SEMA3E: variants seen among roughly 807,000 people sequenced by gnomAD.
The protein encoded by SEMA3E is semaphorin 3E, also known as semaphorin-3E.
A neutral mutation model predicts 93.6 loss-of-function variants in SEMA3E; 49 were observed. That is an observed-to-expected ratio of 0.52 (90% CI 0.42 to 0.66). The LOEUF (loss-of-function observed/expected upper bound fraction) is 0.66. SEMA3E is among the 30% of genes least tolerant of loss of function. The probability of loss-of-function intolerance (pLI) is 0.00; values close to 1 mark genes in which losing one functional copy is unlikely to be tolerated. For missense variants in SEMA3E, 906 were observed against 964.8 expected (o/e 0.94, Z 0.81); for synonymous variants, 363 against 330.7 (o/e 1.10, Z -1.06).
chr7:83,599,245 C>A (rs1792935748), intron 1 of SEMA3E, among the ~76,000 whole-genome samples: 1 of 152,132 alleles, frequency 6.6e-6, no homozygotes, highest in Non-Finnish European at 1.5e-5. Flanking sequence ...AATAGTAAAT[C>A]TAGAGGAAAC....
intron 4 of SEMA3E, among the ~76,000 whole-genome samples, chr7:83,465,819 C>T (rs1789743958): frequency 6.6e-6 from 1 of 152,062 alleles, no homozygotes. Context: ...ACGAGAGTTG[C>T]GATTCACCCA....
intron 16 of SEMA3E, chr7:83,373,069 A>T (rs963330568): frequency 6.6e-6 from 1 of 152,170 alleles, no homozygotes; most frequent in African/African-American, 2.4e-5. Context: ...CAATCTATAT[A>T]AATACAAAAT....
intron 4 of SEMA3E, among the ~76,000 whole-genome samples, chr7:83,444,999 T>C (rs181297312): frequency 6.6e-6 from 1 of 151,686 alleles, no homozygotes; most frequent in Admixed American, 6.6e-5. Flanking sequence ...GGGGAAAACA[T>C]GGTCCTAAAA....
rs1313681045 is a variant in SEMA3E at position 83,405,961 on chromosome 7, T to C, written c.912A>G (p.Thr304=). Residue 304 remains threonine (T), a synonymous_variant, in exon 8 of 17, where the codon ACA becomes ACG. Transcript: ENST00000643230. The part of the protein sequence containing the change: ...CSVPGMNGID[T]YFDELEDVFL... ...AACATTTACCTAATTCATCAAAATATGTGTCAATTCCATTCATTCCTGGTA... is the reference window on the plus strand; with the variant it reads ...AACATTTACCTAATTCATCAAAATACGTGTCAATTCCATTCATTCCTGGTA... The C allele has an allele frequency of 6.2e-7, 1 of 1,611,768 alleles. No homozygotes were observed. The highest frequency in any genetic ancestry group is 1.3e-5 in the African/African-American group (1 of 74,830).
intron 1 of SEMA3E, among the ~76,000 whole-genome samples, chr7:83,578,770 C>A (rs1301409070): frequency 2.0e-5 from 3 of 152,022 alleles, no homozygotes; most frequent in Non-Finnish European, 4.4e-5. Flanking sequence ...GAAGAGAAAA[C>A]CAAGAAATCA....
intron 4 of SEMA3E, among the ~76,000 whole-genome samples, chr7:83,423,146 C>A (rs1788702243): frequency 6.6e-6 from 1 of 152,064 alleles, no homozygotes; most frequent in African/African-American, 2.4e-5. Context: ...CAAATGGCAC[C>A]CAGAATCATC....
intron 1 of SEMA3E, chr7:83,616,765 C>T (rs1793375361): frequency 4.3e-5 from 19 of 447,056 alleles, no homozygotes; most frequent in South Asian, 2.5e-4. Flanking sequence ...GCTCTTGTTG[C>T]CCAGGCTGCA....
chr7:83,461,394 C>G (rs1789613482), intron 4 of SEMA3E, among the ~76,000 whole-genome samples: 1 of 150,920 alleles, frequency 6.6e-6, no homozygotes, highest in African/African-American at 2.5e-5. Flanking sequence ...AGCCTCTGCT[C>G]CTCCACCCTA....
chr7:83,522,034 T>C (rs752524921), intron 1 of SEMA3E, among the ~76,000 whole-genome samples: 1 of 152,150 alleles, frequency 6.6e-6, no homozygotes, highest in Non-Finnish European at 1.5e-5. Flanking sequence ...TCTATATCTA[T>C]TATAAAGATA....
rs373951907 is a variant in SEMA3E, at chr7:83,402,788, A to G, written c.999-12T>C. 98 of 1,609,182 alleles carry G rather than the reference A, an allele frequency of 6.1e-5. No homozygotes were observed. The African/African-American group carries it at 9.2e-4, about 15-fold the overall frequency. ...CTCGAAAAATATTACTGAAAAATAC[A>G]AAAAAGATAATTATTCTTCTGGAAC... On this transcript the variant is annotated splice_polypyrimidine_tract_variant and intron_variant, in intron 9 of 16. Transcript: ENST00000643230.
intron 1 of SEMA3E, among the ~76,000 whole-genome samples, chr7:83,578,737 T>G (rs1051687156): frequency 6.6e-6 from 1 of 152,106 alleles, no homozygotes; most frequent in Admixed American, 6.6e-5. Flanking sequence ...ACTCCCTCTC[T>G]TAGTAGAATC....
chr7:83,610,355 G>C (rs908597626), intron 1 of SEMA3E, among the ~76,000 whole-genome samples: 1 of 151,528 alleles, frequency 6.6e-6, no homozygotes, highest in African/African-American at 2.4e-5. Flanking sequence ...TTTATTTTCT[G>C]GACTACTTAG....
intron 1 of SEMA3E, among the ~76,000 whole-genome samples, chr7:83,576,116 G>C (rs549557467): frequency 6.6e-6 from 1 of 152,144 alleles, no homozygotes; most frequent in Non-Finnish European, 1.5e-5. Context: ...TATTTTAATT[G>C]TAAGAATTAT....
intron 1 of SEMA3E, among the ~76,000 whole-genome samples, chr7:83,559,327 A>T (rs1016751340): frequency 3.9e-5 from 6 of 152,104 alleles, no homozygotes; most frequent in African/African-American, 1.4e-4. Context: ...AGTCATCTTA[A>T]ATGTTTTGTT....
Position 83,423,504 on chromosome 7 carries a change from A to T in SEMA3E, c.457-5021T>A, listed in dbSNP as rs939747974. Among the ~76,000 whole-genome samples the T allele has an allele frequency of 1.4e-3, 201 of 138,920 alleles. 3 individuals carry two copies. Among genetic ancestry groups the T allele is most frequent in the Non-Finnish European group, 2.3e-3 (148 of 65,212 alleles). The allele number at this position is 138,920 out of a possible 152,430, so 91.1% of individuals were successfully genotyped here. ...TTTGCTTTCTGCATCACTATGAAGA[A>T]TTTTTTTTTTTTTTTTTGAGACAGA... On this transcript the variant is annotated intron_variant, in intron 4 of 16. Coordinates refer to ENST00000643230, the MANE Select transcript of SEMA3E (RefSeq NM_012431.3).
At chr7:83,427,922 A>G (rs1371019260) in intron 4 of SEMA3E, among the ~76,000 whole-genome samples, 1 of 152,178 alleles carries the variant, frequency 6.6e-6, no homozygotes, top group Admixed American at 6.5e-5. Flanking sequence ...CTGCCTGAGT[A>G]GTGTGTTTTA....
At chr7:83,521,110 G>A (rs1240551369) in intron 1 of SEMA3E, among the ~76,000 whole-genome samples, 1 of 150,544 alleles carries the variant, frequency 6.6e-6, no homozygotes, top group East Asian at 1.9e-4. Context: ...TAGATTCTGT[G>A]TATAGATGCA....
chr7:83,639,657 C>T (rs115222725), intron 1 of SEMA3E, among the ~76,000 whole-genome samples: 2 of 149,554 alleles, frequency 1.3e-5, no homozygotes, highest in African/African-American at 2.5e-5. Flanking sequence ...CTTTGTGATA[C>T]ATTTAAATTT....
chr7:83,496,355 A>C (rs1035419234), intron 1 of SEMA3E, among the ~76,000 whole-genome samples: 8 of 152,050 alleles, frequency 5.3e-5, no homozygotes, highest in African/African-American at 1.9e-4. Flanking sequence ...ATAAATAATA[A>C]GATAGAAGGT....
Sources: gnomAD v4.1 joint callset for allele counts (sites outside exome capture counted in the v4.1 genomes callset) on GRCh38, gnomAD v4.1.1 for gene constraint, MANE v1.5 for transcripts, NCBI Gene and HGNC (gene_info 2026-07-23, HGNC 2026-07-21) for gene names.